Variants in ARMC3 observed in about 807,000 individuals in gnomAD.
The protein encoded by ARMC3 is armadillo repeat containing 3.
In ARMC3, 74 loss-of-function variants were observed where a neutral mutation model predicts 90.3. That is an observed-to-expected ratio of 0.82 (90% CI 0.68 to 0.99). ARMC3 has a LOEUF of 0.99. ARMC3 is among the 50% of genes least tolerant of loss of function. The pLI is 0.00. For synonymous variants in ARMC3, 334 were observed against 361.8 expected (o/e 0.92, Z 0.87); for missense variants, 958 against 1,042.8 (o/e 0.92, Z 1.12).
chr10:22,928,876 G>C (rs1011426893), intron 1 of ARMC3, among the ~76,000 whole-genome samples: 13 of 152,338 alleles, frequency 8.5e-5, no homozygotes, highest in African/African-American at 3.1e-4. Flanking sequence ...ATGAACCCAG[G>C]AAGGGAAGGT....
At chr10:22,989,293 A>C (rs996079161) in intron 10 of ARMC3, among the ~76,000 whole-genome samples, 1 of 152,134 alleles carries the variant, frequency 6.6e-6, no homozygotes, top group South Asian at 2.1e-4. Flanking sequence ...CTTGTGTTTG[A>C]CTTTGTCCCC....
At chr10:22,942,746 C>G (rs536296587) in intron 2 of ARMC3, among the ~76,000 whole-genome samples, 12 of 152,116 alleles carry the variant, frequency 7.9e-5, no homozygotes. Context: ...GATAAATACC[C>G]AAGAGAAATG....
At chr10:22,929,456 GATC>G (rs1359463093) in intron 1 of ARMC3, among the ~76,000 whole-genome samples, 7 of 152,168 alleles carry the variant, frequency 4.6e-5, no homozygotes, top group Admixed American at 2.0e-4. Flanking sequence ...CCCTTGTAAG[GATC>G]ATCTCCATAG....
intron 3 of ARMC3, among the ~76,000 whole-genome samples, chr10:22,946,900 C>T (rs1393442714): frequency 6.6e-6 from 1 of 152,200 alleles, no homozygotes; most frequent in African/African-American, 2.4e-5. Context: ...TGGCTAATGC[C>T]TGTAATCTCA....
chr10:23,037,029 C>T (rs2131583676), intron 18 of ARMC3, among the ~76,000 whole-genome samples: 1 of 151,934 alleles, frequency 6.6e-6, no homozygotes, highest in Non-Finnish European at 1.5e-5. Context: ...GTGTTACTAC[C>T]TGAAAAAGGT....
At chr10:22,929,253 AGAG>A (rs1356477788) in intron 1 of ARMC3, among the ~76,000 whole-genome samples, 1 of 144,734 alleles carries the variant, frequency 6.9e-6, no homozygotes, top group Non-Finnish European at 1.5e-5. Flanking sequence ...AAAAAAGAGA[AGAG>A]AGAGAGAGAG....
chr10:23,015,303 A>T (rs1838226183), intron 16 of ARMC3, among the ~76,000 whole-genome samples: 1 of 152,204 alleles, frequency 6.6e-6, no homozygotes, highest in Non-Finnish European at 1.5e-5. Flanking sequence ...AAACACTCAT[A>T]GGAGACGTGA....
chr10:22,993,619 A>G (rs977318367), intron 10 of ARMC3, among the ~76,000 whole-genome samples: 4 of 152,304 alleles, frequency 2.6e-5, no homozygotes, highest in African/African-American at 9.6e-5. Context: ...TCAGCACCGG[A>G]AATATAAATA....
intron 16 of ARMC3, among the ~76,000 whole-genome samples, chr10:23,013,087 C>T (rs544731035): frequency 6.6e-5 from 10 of 151,980 alleles, no homozygotes; most frequent in African/African-American, 1.5e-4. Flanking sequence ...TTATTAGAGA[C>T]GGGGTTTTGC....
intron 16 of ARMC3, among the ~76,000 whole-genome samples, chr10:23,015,639 T>C (rs1838239673): frequency 6.6e-6 from 1 of 152,226 alleles, no homozygotes; most frequent in Non-Finnish European, 1.5e-5. Flanking sequence ...TTACAGCAAA[T>C]GCTTTATTTA....
At chr10:23,020,726 A>G (rs79433240) in intron 16 of ARMC3, among the ~76,000 whole-genome samples, 1,764 of 152,214 alleles carry the variant, frequency 0.012, 37 homozygotes, top group African/African-American at 0.041. Flanking sequence ...CTTATTTGCC[A>G]TCTTTATATC....
intron 8 of ARMC3, among the ~76,000 whole-genome samples, chr10:22,976,543 C>T (rs143520324): frequency 2.0e-5 from 3 of 152,334 alleles, no homozygotes; most frequent in African/African-American, 7.2e-5. Flanking sequence ...AATTACCAGA[C>T]CAGCCTTCAC....
Position 22,934,401 on chromosome 10 carries a change from C to T in ARMC3, c.48+2357C>T, listed in dbSNP as rs79669026. ...AAGATGCCTACATATGGAAAAGACA[C>T]GGCTTGATCTACCAATACAACTATA... On this transcript the variant is annotated intron_variant, in intron 2 of 18. Coordinates refer to ENST00000298032, the MANE Select transcript of ARMC3 (RefSeq NM_173081.5). Among the ~76,000 whole-genome samples, 640 of 152,312 alleles carry T rather than the reference C, an allele frequency of 4.2e-3. 5 individuals are homozygous for T. The highest frequency in any genetic ancestry group is 0.015 in the African/African-American group (616 of 41,562).
intron 8 of ARMC3, among the ~76,000 whole-genome samples, chr10:22,976,243 C>G (rs576491525): frequency 6.6e-6 from 1 of 152,240 alleles, no homozygotes; most frequent in Non-Finnish European, 1.5e-5. Context: ...TCTTTTTCTC[C>G]TTTTCTTATC....
chr10:22,954,247 T>C (rs1834840549), intron 3 of ARMC3, among the ~76,000 whole-genome samples: 1 of 152,228 alleles, frequency 6.6e-6, no homozygotes, highest in South Asian at 2.1e-4. Context: ...TTATATATTC[T>C]GGATATACAT....
intron 7 of ARMC3, among the ~76,000 whole-genome samples, chr10:22,965,784 C>T (rs1835414803): frequency 6.6e-6 from 1 of 152,072 alleles, no homozygotes; most frequent in African/African-American, 2.4e-5. Flanking sequence ...TCTAATCTGC[C>T]GTTTGGTCCA....
chr10:23,010,848 TC>T (rs1564394330), intron 16 of ARMC3, among the ~76,000 whole-genome samples: 1 of 89,738 alleles, frequency 1.1e-5, no homozygotes, highest in Non-Finnish European at 2.3e-5. Context: ...CCCTTGCCTC[TC>T]CTCTCCTTCC....
chr10:23,015,584 C>T (rs899734655), intron 16 of ARMC3, among the ~76,000 whole-genome samples: 2 of 152,212 alleles, frequency 1.3e-5, no homozygotes, highest in Non-Finnish European at 2.9e-5. Flanking sequence ...TCTCCTTTTT[C>T]ATATCCTCTT....
chr10:22,934,034 T>C (rs1297634731), intron 2 of ARMC3, among the ~76,000 whole-genome samples: 2 of 152,232 alleles, frequency 1.3e-5, no homozygotes, highest in East Asian at 3.8e-4. Context: ...TGTTCCAGAA[T>C]ATACCTCTAA....
Sources: gnomAD v4.1 joint callset for allele counts (sites outside exome capture counted in the v4.1 genomes callset) on GRCh38, gnomAD v4.1.1 for gene constraint, MANE v1.5 for transcripts, NCBI Gene and HGNC (gene_info 2026-07-23, HGNC 2026-07-21) for gene names.